Variants in SLC26A9 observed in about 807,000 individuals in gnomAD.
The protein encoded by SLC26A9 is anion transporter/exchanger protein 9.
SLC26A9 carries 46 observed loss-of-function variants against 87.1 expected under a neutral mutation model. That is an observed-to-expected ratio of 0.53 (90% CI 0.42 to 0.67). The LOEUF is 0.67. Ranked by LOEUF, SLC26A9 falls within the 30% of genes least tolerant of loss-of-function variation. The probability of loss-of-function intolerance (pLI) is 0.00; values close to 1 mark genes in which losing one functional copy is unlikely to be tolerated. For synonymous variants in SLC26A9, 437 were observed against 409.1 expected (o/e 1.07, Z -0.82); for missense variants, 927 against 1,018.3 (o/e 0.91, Z 1.22).
intron 14 of SLC26A9, 48 bp downstream of exon 14, chr1:205,923,496 G>T (rs765904060): frequency 1.2e-6 from 2 of 1,613,516 alleles, no homozygotes; most frequent in Non-Finnish European, 1.7e-6. Context: ...ACCTCTTCTT[G>T]GGGTGGTGCA....
intron 19 of SLC26A9, 49 bp from the exon 20 acceptor site, chr1:205,917,403 A>G (rs1658639151): frequency 1.9e-6 from 3 of 1,598,712 alleles, no homozygotes; most frequent in Non-Finnish European, 2.6e-6. Context: ...ACTGAACAGC[A>G]AAGTTGGTGC....
intron 1 of SLC26A9, among the ~76,000 whole-genome samples, chr1:205,938,109 C>G (rs1044029829): frequency 6.6e-6 from 1 of 151,944 alleles, no homozygotes; most frequent in South Asian, 2.1e-4. Flanking sequence ...ACTATCCCAG[C>G]CCCCGTCCCC....
chr1:205,925,271 A>G (rs1458481685), intron 12 of SLC26A9, among the ~76,000 whole-genome samples: 1 of 152,192 alleles, frequency 6.6e-6, no homozygotes, highest in Non-Finnish European at 1.5e-5. Context: ...GGGCCCTGAC[A>G]GGAGCTCAGC....
chr1:205,924,259 C>A (rs925710319), intron 13 of SLC26A9, 124 bp downstream of exon 13: 25 of 858,012 alleles, frequency 2.9e-5, no homozygotes, highest in Admixed American at 5.3e-5. Context: ...CCTGGCAGCA[C>A]CTCCAGTGCC....
intron 18 of SLC26A9, among the ~76,000 whole-genome samples, chr1:205,919,962 A>AC (rs1462387339): frequency 3.3e-5 from 5 of 151,608 alleles, no homozygotes; most frequent in Admixed American, 6.6e-5. Context: ...TGACCTCCTC[A>AC]CCCCCACTCT....
intron 5 of SLC26A9, 45 bp downstream of exon 5, chr1:205,931,815 G>T (rs1337317022): frequency 6.3e-7 from 1 of 1,584,128 alleles, no homozygotes; most frequent in Non-Finnish European, 8.6e-7. Flanking sequence ...GGAGGGGCAG[G>T]GTGGTCTGAT....
chr1:205,913,483 A>T lies in SLC26A9; in HGVS notation c.*1874T>A, dbSNP rs1420718221. The T allele has an allele frequency of 6.6e-6, 1 of 152,616 alleles. No homozygotes were observed. Among genetic ancestry groups the T allele is most frequent in the Non-Finnish European group, 1.5e-5 (1 of 68,068 alleles). 9.5% of individuals were successfully genotyped at this position (152,616 alleles called of 1,614,324 possible). ...AATGATTACTTGGGGGTTAAGGATC[A>T]CTTCATCAAGTCCTCAGGGGATCTA... On this transcript the variant is annotated 3_prime_UTR_variant, in exon 21 of 21. Transcript: ENST00000367135.
chr1:205,926,665 G>A (rs1309884451), intron 11 of SLC26A9, 35 bp from the exon 12 acceptor site: 7 of 1,591,150 alleles, frequency 4.4e-6, no homozygotes, highest in Admixed American at 3.3e-5. Flanking sequence ...GGACCCCAGG[G>A]TCTCCCCTTC....
chr1:205,925,056 AG>A (rs1422698860), intron 12 of SLC26A9, among the ~76,000 whole-genome samples: 3 of 152,192 alleles, frequency 2.0e-5, no homozygotes. Context: ...AGCCCCCTAA[AG>A]TGCTAGATCA....
Position 205,914,770 on chromosome 1 carries a change from G to T in SLC26A9, c.*587C>A. 2 of 1,219,970 alleles carry T rather than the reference G, an allele frequency of 1.6e-6. No individual in the cohort carries two copies. Among genetic ancestry groups the T allele is most frequent in the Non-Finnish European group, 2.3e-6 (2 of 869,848 alleles). 75.6% of individuals were successfully genotyped at this position (1,219,970 alleles called of 1,614,324 possible). On this transcript the variant is annotated 3_prime_UTR_variant, in exon 21 of 21. Transcript: ENST00000367135. ...GCCTTGGGGATGATGGAGGGGGGGC[G>T]CATAGTTACCAAGGCCTAGACTCCT... is the stretch of plus-strand genomic sequence containing the variant.
chr1:205,915,492 A>T, intron 20 of SLC26A9, 88 bp from the exon 21 acceptor site: 1 of 1,572,884 alleles, frequency 6.4e-7, no homozygotes. Flanking sequence ...AGGTGACCCT[A>T]GGAACCCCTG....
chr1:205,923,399 A>T lies in SLC26A9; in HGVS notation c.1595T>A (p.Ile532Asn). Residue 532 changes from isoleucine (I) to asparagine (N), a missense_variant, in exon 15 of 21, where the codon ATC (isoleucine) becomes AAC (asparagine). By Grantham distance (149) the Ile-to-Asn change is moderately radical. Transcript: ENST00000367135. ...AAAGTAGAGAGGGGAGCAGTACGTG[A>T]TGATTTTAATCCCCTGGATATCCTG... ...RAQDIQGIKI[I>N]TYCSPLYFAN... 6.2e-7 allele frequency: 1 copy of T among 1,614,208 alleles called. No individual in the cohort carries two copies. Among genetic ancestry groups the T allele is most frequent in the Non-Finnish European group, 8.5e-7 (1 of 1,180,042 alleles).
chr1:205,924,502 A>G lies in SLC26A9; in HGVS notation c.1390-13T>C. On this transcript the variant is annotated splice_polypyrimidine_tract_variant and intron_variant, in intron 12 of 20. Transcript: ENST00000367135. Reference sequence around the variant, plus strand: ...CTACCCAGATGCACTGTGAAAAGAGAGATGTCAAAAGCAGACCTGGGGAAA... The same window carrying G: ...CTACCCAGATGCACTGTGAAAAGAGGGATGTCAAAAGCAGACCTGGGGAAA... 1 of 1,613,162 alleles carries G rather than the reference A, an allele frequency of 6.2e-7. No individual in the cohort carries two copies. Among genetic ancestry groups the G allele is most frequent in the South Asian group, 1.1e-5 (1 of 90,940 alleles).
chr1:205,936,120 C>G (rs1335756427), intron 1 of SLC26A9, among the ~76,000 whole-genome samples: 1 of 152,206 alleles, frequency 6.6e-6, no homozygotes, highest in African/African-American at 2.4e-5. Flanking sequence ...ACCATCACCC[C>G]CACTGAGCAC....
In SLC26A9 at chr1:205,928,554, C is replaced by T. The variant is rs537116641; in HGVS notation, c.953+273G>A. ...TAGAGCAAGGCAAAGAGCCAGCAAG[C>T]GGCTGTTCAGAGAGGCTTTGTTTAA... On this transcript the variant is annotated intron_variant, in intron 8 of 20. Coordinates refer to ENST00000367135, the MANE Select transcript of SLC26A9 (RefSeq NM_052934.4). Among the ~76,000 whole-genome samples, 22 of 152,276 alleles carry T rather than the reference C, an allele frequency of 1.4e-4. No individual in the cohort carries two copies. The South Asian group carries it at 3.9e-3, about 27-fold the overall frequency.
At chr1:205,922,253 C>T (rs1658872522) in intron 16 of SLC26A9, among the ~76,000 whole-genome samples, 1 of 152,240 alleles carries the variant, frequency 6.6e-6, no homozygotes, top group African/African-American at 2.4e-5. Context: ...TCTCGTGCCT[C>T]AGCCTCCTGA....
At chr1:205,922,450 C>T (rs528411395) in intron 16 of SLC26A9, among the ~76,000 whole-genome samples, 1 of 152,326 alleles carries the variant, frequency 6.6e-6, no homozygotes, top group Admixed American at 6.5e-5. Context: ...CCCAGCCTTG[C>T]TAGCCCTGGG....
In SLC26A9 at chr1:205,926,644, A is replaced by T. The variant is rs1392374956; in HGVS notation, c.1294-14T>A. 1.2e-6 allele frequency: 2 copies of T among 1,611,610 alleles called. No individual in the cohort carries two copies. The highest frequency in any genetic ancestry group is 3.3e-5 in the Admixed American group (2 of 59,980). Reference sequence around the variant, plus strand: ...TCCTAGCACAGACTAGAGAAGCAGAACATTGCTCCAGGACCCCAGGGTCTC... The same window carrying T: ...TCCTAGCACAGACTAGAGAAGCAGATCATTGCTCCAGGACCCCAGGGTCTC... On this transcript the variant is annotated splice_polypyrimidine_tract_variant and intron_variant, in intron 11 of 20. Transcript: ENST00000367135.
intron 2 of SLC26A9, 133 bp from the exon 3 acceptor site, chr1:205,933,217 A>G (rs1659379174): frequency 1.5e-6 from 2 of 1,340,854 alleles, no homozygotes; most frequent in East Asian, 2.3e-5. Context: ...TGCCAGGGAT[A>G]TTGAGAAGAA....
Sources: gnomAD v4.1 joint callset for allele counts (sites outside exome capture counted in the v4.1 genomes callset) on GRCh38, gnomAD v4.1.1 for gene constraint, MANE v1.5 for transcripts, NCBI Gene and HGNC (gene_info 2026-07-23, HGNC 2026-07-21) for gene names.